XPO4: variants seen among roughly 807,000 people sequenced by gnomAD.
XPO4 encodes the protein exportin-4.
XPO4 carries 39 observed loss-of-function variants against 143.0 expected under a neutral mutation model. The ratio of observed to expected loss-of-function variants is 0.27; its 90% CI spans 0.21 to 0.36. XPO4 has a LOEUF of 0.36. Among genes scored for constraint, XPO4 ranks in the 10% least tolerant of loss-of-function variants. The pLI, the probability that XPO4 is intolerant of heterozygous loss-of-function variation, is 1.00. For synonymous variants in XPO4, 439 were observed against 474.0 expected (o/e 0.93, Z 0.96); for missense variants, 907 against 1,348.0 (o/e 0.67, Z 5.12).
At chr13:20,881,755 A>C (rs2060412329) in intron 1 of XPO4, among the ~76,000 whole-genome samples, 1 of 152,190 alleles carries the variant, frequency 6.6e-6, no homozygotes, top group African/African-American at 2.4e-5. Flanking sequence ...AATATACTTC[A>C]ATAAAATATA....
intron 6 of XPO4, among the ~76,000 whole-genome samples, chr13:20,835,937 AT>A (rs1212192742): frequency 6.6e-6 from 1 of 152,190 alleles, no homozygotes; most frequent in African/African-American, 2.4e-5. Context: ...ACTAAATATC[AT>A]TTATCTTCCT....
chr13:20,799,618 T>G (rs1404111628), intron 15 of XPO4, among the ~76,000 whole-genome samples: 1 of 152,156 alleles, frequency 6.6e-6, no homozygotes, highest in Non-Finnish European at 1.5e-5. Context: ...GAGACTGATA[T>G]AATGATTAAA....
At chr13:20,815,051 G>T (rs2059631608) in intron 9 of XPO4, among the ~76,000 whole-genome samples, 1 of 152,080 alleles carries the variant, frequency 6.6e-6, no homozygotes, top group Non-Finnish European at 1.5e-5. Flanking sequence ...ACATCAAATT[G>T]AATTTCAGAG....
At chr13:20,834,716 T>C (rs950003737) in intron 6 of XPO4, among the ~76,000 whole-genome samples, 4 of 151,750 alleles carry the variant, frequency 2.6e-5, no homozygotes, top group South Asian at 2.1e-4. Flanking sequence ...CCCAGCACTT[T>C]TGGATGCCAA....
intron 1 of XPO4, among the ~76,000 whole-genome samples, chr13:20,893,490 A>G (rs2060537787): frequency 1.3e-5 from 2 of 152,184 alleles, no homozygotes; most frequent in Non-Finnish European, 2.9e-5. Context: ...CTGTAATCCC[A>G]GCACTTTGGG....
chr13:20,846,972 T>TGA (rs2060035274), intron 4 of XPO4, among the ~76,000 whole-genome samples: 1 of 152,214 alleles, frequency 6.6e-6, no homozygotes, highest in Non-Finnish European at 1.5e-5. Flanking sequence ...TCAAATATTC[T>TGA]GGCTTTAACT....
In XPO4 at chr13:20,800,977, T is replaced by C. The variant is rs772883156; in HGVS notation, c.1831A>G (p.Ile611Val). 4.3e-6 allele frequency: 7 copies of C among 1,613,852 alleles called. No individual in the cohort carries two copies. Among genetic ancestry groups the C allele is most frequent in the Non-Finnish European group, 5.9e-6 (7 of 1,179,932 alleles). The stretch of plus-strand genomic sequence containing the variant: ...GATTCAACTTCTGAAACTCTGAGAA[T>C]GGCAGACAACAGCCTGTAGGTATAA... Reference protein sequence around the residue: ...TDSVIRLLSAILRVSEVESRA... With the variant: ...TDSVIRLLSAVLRVSEVESRA... Residue 611 changes from isoleucine to valine, a missense_variant, in exon 14 of 23, where the codon ATT (isoleucine) becomes GTT (valine). By Grantham distance (29) the Ile-to-Val change is conservative. Coordinates refer to ENST00000255305, the MANE Select transcript of XPO4 (RefSeq NM_022459.5).
chr13:20,831,850 T>C (rs1402479450), intron 6 of XPO4, among the ~76,000 whole-genome samples: 1 of 135,362 alleles, frequency 7.4e-6, no homozygotes, highest in African/African-American at 2.8e-5. Context: ...CAAATACAAG[T>C]CCACTCCCTC....
intron 15 of XPO4, 30 bp downstream of exon 15, chr13:20,800,126 C>T (rs1402985374): frequency 2.5e-6 from 4 of 1,612,800 alleles, no homozygotes; most frequent in Admixed American, 3.3e-5. Flanking sequence ...CACACATACA[C>T]ACACAGTCAG....
At chr13:20,879,102 C>T (rs2060381696) in intron 1 of XPO4, 1 of 985,116 alleles carries the variant, frequency 1.0e-6, no homozygotes, top group African/African-American at 1.7e-5. Flanking sequence ...ATGTGTTTAC[C>T]CTGGAGACAT....
At chr13:20,787,339 A>C in intron 21 of XPO4, 142 bp downstream of exon 21, 1 of 791,020 alleles carries the variant, frequency 1.3e-6, no homozygotes, top group Non-Finnish European at 2.0e-6. Context: ...GCTGATCTCC[A>C]GAAAAAAACA....
intron 6 of XPO4, among the ~76,000 whole-genome samples, 182 bp downstream of exon 6, chr13:20,842,713 A>C (rs1032091110): frequency 6.6e-6 from 1 of 152,220 alleles, no homozygotes; most frequent in East Asian, 1.9e-4. Flanking sequence ...TAAATCTTCT[A>C]GTATTATCCT....
intron 13 of XPO4, among the ~76,000 whole-genome samples, chr13:20,804,021 G>C (rs140627295): frequency 0.011 from 1,723 of 152,148 alleles, 80 homozygotes; most frequent in East Asian, 0.1. Flanking sequence ...TTTAAAGATA[G>C]TAATATTGAT....
intron 9 of XPO4, 21 bp from the exon 10 acceptor site, chr13:20,809,988 T>G: frequency 6.4e-7 from 1 of 1,574,266 alleles, no homozygotes; most frequent in Non-Finnish European, 8.6e-7. Flanking sequence ...AGAACACTCA[T>G]AAAACAAATG....
chr13:20,805,171 C>T (rs2137871535), intron 13 of XPO4, among the ~76,000 whole-genome samples: 1 of 152,144 alleles, frequency 6.6e-6, no homozygotes, highest in South Asian at 2.1e-4. Flanking sequence ...TCTTGAACTT[C>T]TGAGCTAAGG....
chr13:20,806,344 G>T (rs1436010837), intron 13 of XPO4, among the ~76,000 whole-genome samples: 5 of 152,068 alleles, frequency 3.3e-5, no homozygotes, highest in African/African-American at 1.2e-4. Flanking sequence ...TCTATTGCAT[G>T]TTTAAATGAT....
intron 1 of XPO4, among the ~76,000 whole-genome samples, chr13:20,878,194 T>TG (rs1423982960): frequency 6.6e-6 from 1 of 152,156 alleles, no homozygotes; most frequent in Non-Finnish European, 1.5e-5. Context: ...AACAAGTGTT[T>TG]GGGGAAGTTT....
intron 1 of XPO4, among the ~76,000 whole-genome samples, chr13:20,895,142 C>A (rs1272295682): frequency 6.6e-6 from 1 of 152,084 alleles, no homozygotes; most frequent in Non-Finnish European, 1.5e-5. Flanking sequence ...TGCGCCACTG[C>A]ACTCCAGCCT....
At chr13:20,828,136 C>T (rs1595103295) in intron 6 of XPO4, among the ~76,000 whole-genome samples, 1 of 152,062 alleles carries the variant, frequency 6.6e-6, no homozygotes, top group East Asian at 1.9e-4. Context: ...ATTTGGGAGG[C>T]TGAGGCGGGA....
Sources: allele counts gnomAD v4.1 joint callset (sites outside exome capture counted in the v4.1 genomes callset), GRCh38; gene constraint gnomAD v4.1.1; transcripts MANE v1.5; gene names NCBI Gene and HGNC (gene_info 2026-07-23, HGNC 2026-07-21).